Variants in DFFB observed in about 807,000 individuals in gnomAD.
The protein encoded by DFFB is DNA fragmentation factor subunit beta, also known as DNA fragmentation factor 40 kDa subunit.
Under a neutral mutation model 32.7 loss-of-function variants are expected in DFFB, and 29 were observed. That is an observed-to-expected ratio of 0.89 (90% CI 0.66 to 1.21). The LOEUF (loss-of-function observed/expected upper bound fraction) is 1.21. DFFB is among the 50% of genes most tolerant of loss of function. The pLI is 0.00. For synonymous variants in DFFB, 170 were observed against 177.1 expected (o/e 0.96, Z 0.32); for missense variants, 398 against 440.6 (o/e 0.90, Z 0.87).
chr1:3,872,308 G>A (rs1645131672), intron 5 of DFFB, among the ~76,000 whole-genome samples, 164 bp from the exon 6 acceptor site: 1 of 152,128 alleles, frequency 6.6e-6, no homozygotes, highest in Admixed American at 6.5e-5. Flanking sequence ...AGCTACTCGG[G>A]AGGCTGAGGC....
At chr1:3,874,613 C>T (rs1346761005) in intron 6 of DFFB, among the ~76,000 whole-genome samples, 129 of 113,536 alleles carry the variant, frequency 1.1e-3, no homozygotes, top group African/African-American at 4.3e-3. Flanking sequence ...CTTTACCACA[C>T]GCGTGTGGGT....
chr1:3,874,912 C>T (rs1231711848), intron 6 of DFFB, among the ~76,000 whole-genome samples: 1 of 151,674 alleles, frequency 6.6e-6, no homozygotes, highest in East Asian at 2.0e-4. Context: ...CGTGTAGCTG[C>T]ACCTTTACCA....
Position 3,868,162 on chromosome 1 carries a change from G to A in DFFB, c.510+109G>A, listed in dbSNP as rs77461090. The A allele has an allele frequency of 1.5e-3, 1,445 of 973,508 alleles. 12 individuals are homozygous for A. The African/African-American group carries it at 0.02, about 13-fold the overall frequency. 60.3% of individuals were successfully genotyped at this position (973,508 alleles called of 1,614,324 possible). The stretch of plus-strand genomic sequence containing the variant: ...TGGGTAGTTGGTAGGACCACACTCC[G>A]TGCTTGCGTGGATCTGGTGGGGCTG... On this transcript the variant is annotated intron_variant, in intron 4 of 6. Transcript: ENST00000378209.
intron 2 of DFFB, among the ~76,000 whole-genome samples, chr1:3,863,881 G>A (rs933544624): frequency 2.0e-5 from 3 of 152,176 alleles, no homozygotes. Context: ...TCTTTTTGAG[G>A]TGGTGAAAAT....
intron 6 of DFFB, among the ~76,000 whole-genome samples, chr1:3,876,372 G>A (rs1318157336): frequency 2.0e-5 from 3 of 152,206 alleles, no homozygotes; most frequent in African/African-American, 7.2e-5. Context: ...AAGGGACAGC[G>A]TGAGTCAGAG....
chr1:3,859,988 G>GTC (rs909159573), intron 2 of DFFB, among the ~76,000 whole-genome samples: 79 of 151,084 alleles, frequency 5.2e-4, no homozygotes, highest in South Asian at 2.5e-3. Context: ...GTCTGTCTCT[G>GTC]TCTCTCTCTC....
At chr1:3,868,158 C>A in intron 4 of DFFB, 105 bp downstream of exon 4, 1 of 1,026,688 alleles carries the variant, frequency 9.7e-7, no homozygotes, top group Non-Finnish European at 1.5e-6. Context: ...TAGGACCACA[C>A]TCCGTGCTTG....
At position 3,857,581 on chromosome 1, in the gene DFFB, C is replaced by A; in HGVS notation, c.-23C>A. ...AGCAGGTGCCACCGCCTGTGGGACC[C>A]AGAGGGCTTGAGGACATCTGCAATG... On this transcript the variant is annotated 5_prime_UTR_variant, in exon 1 of 7. Transcript: ENST00000378209. 6.6e-7 allele frequency: 1 copy of A among 1,520,904 alleles called. No individual in the cohort carries two copies. The highest frequency in any genetic ancestry group is 2.5e-5 in the East Asian group (1 of 39,712). 94.2% of individuals were successfully genotyped at this position (1,520,904 alleles called of 1,614,324 possible). A position where few individuals can be genotyped will look rare whatever the true frequency, so the allele number is the denominator to read the frequency against.
In DFFB at chr1:3,865,941, A is replaced by C. The variant is rs1376177789; in HGVS notation, c.371A>C (p.His124Pro). 1.9e-6 allele frequency: 3 copies of C among 1,607,026 alleles called. No homozygotes were observed. The highest frequency in any genetic ancestry group is 8.5e-7 in the Non-Finnish European group (1 of 1,175,158). Residue 124 changes from histidine to proline, a missense_variant, in exon 3 of 7, where the codon CAC becomes CCC. By Grantham distance (77) the His-to-Pro change is moderately conservative (BLOSUM62 -2). Coordinates refer to ENST00000378209, the MANE Select transcript of DFFB (RefSeq NM_004402.4). The surrounding 1 kb of genome is among the most constrained non-coding windows in gnomAD (Gnocchi z 4.7). The stretch of plus-strand genomic sequence containing the variant: ...CAGAGGCTGCTGGCTGACCTCCTGC[A>C]CAACGTCAGCCAGAACATCGCGGCC... The part of the protein sequence containing the change: ...QRQRLLADLL[H>P]NVSQNIAAET...
At chr1:3,857,990 G>A (rs955315163) in intron 1 of DFFB, among the ~76,000 whole-genome samples, 1 of 152,218 alleles carries the variant, frequency 6.6e-6, no homozygotes, top group African/African-American at 2.4e-5. Flanking sequence ...GGAGACCCGG[G>A]TAGAGTGCCA....
In DFFB at chr1:3,858,772, G is replaced by C. The variant is rs750659695; in HGVS notation, c.169G>C (p.Glu57Gln). The change falls in exon 2 of 7, where the codon GAA becomes CAA. Residue 57 changes from glutamate (E) to glutamine (Q), a missense_variant. Transcript: ENST00000378209. ...GTACGAGGATGGCACGGAGCTGACG[G>C]AAGATTACTTCCCCAGTGTTCCCGA... ...CLYEDGTELT[E>Q]DYFPSVPDNA... is the part of the protein sequence containing the mutation. 5.0e-5 allele frequency: 80 copies of C among 1,614,074 alleles called. No individual in the cohort carries two copies. The highest frequency in any genetic ancestry group is 6.4e-5 in the Non-Finnish European group (76 of 1,180,056).
At chr1:3,878,937 C>T (rs1218447859) in intron 6 of DFFB, among the ~76,000 whole-genome samples, 2 of 152,170 alleles carry the variant, frequency 1.3e-5, no homozygotes, top group Non-Finnish European at 2.9e-5. Context: ...GTAAACTCTA[C>T]TCAGCATTTG....
chr1:3,874,728 T>C (rs71634379), intron 6 of DFFB, among the ~76,000 whole-genome samples: 24 of 116,976 alleles, frequency 2.1e-4, no homozygotes, highest in Middle Eastern at 6.8e-3. Flanking sequence ...TGGCCTCCCA[T>C]GCTGTGGTCT....
In DFFB at chr1:3,866,107, G is replaced by A. The variant is rs373685537; in HGVS notation, c.430+107G>A. On this transcript the variant is annotated intron_variant, in intron 3 of 6. Coordinates refer to ENST00000378209, the MANE Select transcript of DFFB (RefSeq NM_004402.4). ...CAGTGAAGGGCTGGCCTGTACCCTC[G>A]TGGGTTGAGGTGGGGGACTTGGAAG... 2.5e-5 allele frequency: 22 copies of A among 887,682 alleles called. 1 individual carries two copies. Among genetic ancestry groups the A allele is most frequent in the Non-Finnish European group, 2.6e-5 (15 of 582,584 alleles). 55.0% of individuals were successfully genotyped at this position (887,682 alleles called of 1,614,324 possible).
At chr1:3,863,134 T>C (rs909465002) in intron 2 of DFFB, among the ~76,000 whole-genome samples, 1 of 152,208 alleles carries the variant, frequency 6.6e-6, no homozygotes, top group Non-Finnish European at 1.5e-5. Context: ...TTGCCAATCA[T>C]GTATCTAATA....
At chr1:3,867,752 C>T (rs1441488530) in intron 3 of DFFB, 1 of 531,224 alleles carries the variant, frequency 1.9e-6, no homozygotes, top group Non-Finnish European at 3.4e-6. Context: ...ACTTGGAAGT[C>T]TGAGGCAGGA....
intron 6 of DFFB, among the ~76,000 whole-genome samples, chr1:3,882,612 G>A (rs1370942039): frequency 1.3e-5 from 2 of 152,076 alleles, no homozygotes; most frequent in Non-Finnish European, 2.9e-5. Context: ...TGATCCGCAC[G>A]CCTCAGCCTC....
chr1:3,863,238 A>C (rs1644911439), intron 2 of DFFB, among the ~76,000 whole-genome samples: 1 of 152,214 alleles, frequency 6.6e-6, no homozygotes, highest in Non-Finnish European at 1.5e-5. Context: ...AAAAGAAAGA[A>C]ATGTCTCCAA....
intron 6 of DFFB, among the ~76,000 whole-genome samples, chr1:3,882,732 A>G (rs1038583423): frequency 1.3e-5 from 2 of 152,226 alleles, no homozygotes; most frequent in Non-Finnish European, 2.9e-5. Flanking sequence ...GGAAAGATCA[A>G]TAGCAAACCC....
Sources: allele counts gnomAD v4.1 joint callset (sites outside exome capture counted in the v4.1 genomes callset), GRCh38; gene constraint gnomAD v4.1.1; non-coding constraint Gnocchi (gnomAD v3.1); transcripts MANE v1.5; gene names NCBI Gene and HGNC (gene_info 2026-07-23, HGNC 2026-07-21).